SLC35F4: variants seen among roughly 807,000 people sequenced by gnomAD.
SLC35F4 encodes chromosome 14 open reading frame 36.
SLC35F4 carries 24 observed loss-of-function variants against 44.2 expected under a neutral mutation model. The observed-to-expected ratio is 0.54, with a 90% confidence interval of 0.39 to 0.76. The LOEUF is 0.76. Ranked by LOEUF, SLC35F4 falls within the 30% of genes least tolerant of loss-of-function variation. SLC35F4 has a pLI of 0.00. For missense variants in SLC35F4, 562 were observed against 586.1 expected (o/e 0.96, Z 0.42); for synonymous variants, 238 against 223.6 (o/e 1.06, Z -0.57).
At chr14:57,929,381 A>ATT in intron 1 of SLC35F4, among the ~76,000 whole-genome samples, 1 of 152,020 alleles carries the variant, frequency 6.6e-6, no homozygotes, top group East Asian at 1.9e-4. Context: ...GTTTGGGAAA[A>ATT]CCCAAACATT....
At chr14:57,651,337 A>G (rs1339007958) in intron 1 of SLC35F4, among the ~76,000 whole-genome samples, 1 of 152,164 alleles carries the variant, frequency 6.6e-6, no homozygotes, top group Non-Finnish European at 1.5e-5. Flanking sequence ...AGGTATTCTG[A>G]CTACCAAGAA....
intron 1 of SLC35F4, among the ~76,000 whole-genome samples, chr14:57,682,654 C>T (rs935781217): frequency 1.3e-5 from 2 of 149,848 alleles, no homozygotes; most frequent in South Asian, 2.1e-4. Context: ...AAAAAAGATG[C>T]CATTTGCGGT....
rs570714683 is a variant in SLC35F4, at chr14:57,676,960, A to C, written c.104-82836T>G. Among the ~76,000 whole-genome samples the C allele has an allele frequency of 9.5e-4, 144 of 152,260 alleles. 1 individual carries two copies. The highest frequency in any genetic ancestry group is 3.2e-3 in the African/African-American group (133 of 41,492). ...CATTATATGAAAAAGACACTTGCAC[A>C]CACATGTTTATAGCAGTACAACTCG... On this transcript the variant is annotated intron_variant, in intron 1 of 7. Coordinates refer to ENST00000556826, the MANE Select transcript of SLC35F4 (RefSeq NM_001306087.2).
intron 1 of SLC35F4, among the ~76,000 whole-genome samples, chr14:57,775,750 T>C (rs1354964503): frequency 3.3e-5 from 5 of 152,242 alleles, no homozygotes; most frequent in Non-Finnish European, 7.3e-5. Flanking sequence ...GTGTCTTCTT[T>C]TCTCCAAATG....
chr14:57,690,606 G>A lies in SLC35F4; in HGVS notation c.104-96482C>T, dbSNP rs148312741. Among the ~76,000 whole-genome samples, 101 of 151,990 alleles carry A rather than the reference G, an allele frequency of 6.6e-4. 3 individuals carry two copies. In the East Asian group the frequency reaches 0.019, roughly 28 times the overall value. On this transcript the variant is annotated intron_variant, in intron 1 of 7. Coordinates refer to ENST00000556826, the MANE Select transcript of SLC35F4 (RefSeq NM_001306087.2). ...TTACATTTATTGTGTACTTTATTTC[G>A]CTTATTACACTGTAATATACAAAAA...
intron 1 of SLC35F4, among the ~76,000 whole-genome samples, chr14:57,656,378 C>T (rs62003998): frequency 0.015 from 333 of 22,196 alleles, 2 homozygotes; most frequent in South Asian, 0.036. Context: ...TATATATATA[C>T]ACACACACAC....
At chr14:57,584,801 T>TCTTGAGATA (rs1184987520) in intron 3 of SLC35F4, among the ~76,000 whole-genome samples, 1 of 151,982 alleles carries the variant, frequency 6.6e-6, no homozygotes, top group Non-Finnish European at 1.5e-5. Flanking sequence ...TTTGAGGTAT[T>TCTTGAGATA]CTTGAGATAC....
In SLC35F4 at chr14:57,803,653, G is replaced by A. The variant is rs138511898; in HGVS notation, c.103+62070C>T. Among the ~76,000 whole-genome samples, 652 of 133,916 alleles carry A rather than the reference G, an allele frequency of 4.9e-3. 5 individuals are homozygous for A. The highest frequency in any genetic ancestry group is 0.018 in the African/African-American group (617 of 34,520). The allele number at this position is 133,916 out of a possible 152,430, so 87.9% of individuals were successfully genotyped here. A position where few individuals can be genotyped will look rare whatever the true frequency, so the allele number is the denominator to read the frequency against. On this transcript the variant is annotated intron_variant, in intron 1 of 7. Coordinates refer to ENST00000556826, the MANE Select transcript of SLC35F4 (RefSeq NM_001306087.2). ...CACCCAGACTGGGGTACGAAGGCACGATCATGGCTCATTGCAACCTCTGCC... is the reference window on the plus strand; with the variant it reads ...CACCCAGACTGGGGTACGAAGGCACAATCATGGCTCATTGCAACCTCTGCC...
chr14:57,959,976 C>A (rs917009041), intron 1 of SLC35F4, among the ~76,000 whole-genome samples: 4 of 152,130 alleles, frequency 2.6e-5, no homozygotes, highest in African/African-American at 9.7e-5. Context: ...ATGGCTGGGA[C>A]AAGCAGGTTT....
intron 1 of SLC35F4, among the ~76,000 whole-genome samples, chr14:57,649,046 A>G (rs932706377): frequency 1.3e-5 from 2 of 152,128 alleles, no homozygotes; most frequent in African/African-American, 4.8e-5. Flanking sequence ...TCATCTTTCA[A>G]GTGGCACTTA....
intron 1 of SLC35F4, among the ~76,000 whole-genome samples, chr14:57,874,449 C>A (rs1369968707): frequency 6.6e-6 from 1 of 152,190 alleles, no homozygotes; most frequent in East Asian, 1.9e-4. Context: ...CCTAGGATCA[C>A]TTTCTCAAAG....
At chr14:57,841,689 A>C (rs976144159) in intron 1 of SLC35F4, among the ~76,000 whole-genome samples, 1 of 152,144 alleles carries the variant, frequency 6.6e-6, no homozygotes, top group Non-Finnish European at 1.5e-5. Flanking sequence ...CTACAGGTGA[A>C]GGTCAAATGC....
intron 1 of SLC35F4, among the ~76,000 whole-genome samples, chr14:57,919,053 T>C (rs771233749): frequency 1.3e-5 from 2 of 152,178 alleles, no homozygotes; most frequent in Non-Finnish European, 2.9e-5. Flanking sequence ...CTCTTACCAA[T>C]GGAATGTTAG....
intron 1 of SLC35F4, among the ~76,000 whole-genome samples, chr14:57,603,298 TA>T (rs906878648): frequency 6.6e-6 from 1 of 152,104 alleles, no homozygotes; most frequent in Non-Finnish European, 1.5e-5. Flanking sequence ...ACAATTTTTT[TA>T]AAAAAAATCT....
In SLC35F4 at chr14:57,566,584, A is replaced by G. The variant is rs1038671712; in HGVS notation, c.1127-20T>C. The G allele has an allele frequency of 7.0e-6, 11 of 1,574,554 alleles. No homozygotes were observed. Among genetic ancestry groups the G allele is most frequent in the Non-Finnish European group, 8.6e-7 (1 of 1,158,554 alleles). On this transcript the variant is annotated intron_variant, in intron 6 of 7. Transcript: ENST00000556826. ...TGAAGGCTGTAAAATAGAGGAGGAA[A>G]TGCAAGATGAAAGAGAAATAATACG...
chr14:57,967,500 C>T (rs1880908711), intron 1 of SLC35F4, among the ~76,000 whole-genome samples: 1 of 152,180 alleles, frequency 6.6e-6, no homozygotes. Context: ...TACAACTTAA[C>T]TTTTTTCTCC....
rs150243646 is a variant in SLC35F4 at position 57,788,429 on chromosome 14, T to C, written c.103+77294A>G. 4.4e-3 allele frequency among the ~76,000 whole-genome samples: 673 copies of C among 152,138 alleles called. 39 individuals carry two copies. In the East Asian group the frequency reaches 0.11, roughly 26 times the overall value. On this transcript the variant is annotated intron_variant, in intron 1 of 7. Transcript: ENST00000556826. ...GGAACAAATGGACTTAGCAAATATATACAGAACATTTCATCCAACAACCAC... is the reference window on the plus strand; with the variant it reads ...GGAACAAATGGACTTAGCAAATATACACAGAACATTTCATCCAACAACCAC...
At chr14:57,670,851 A>G (rs1483998610) in intron 1 of SLC35F4, among the ~76,000 whole-genome samples, 1 of 149,862 alleles carries the variant, frequency 6.7e-6, no homozygotes, top group Non-Finnish European at 1.5e-5. Context: ...AAAGACTAGG[A>G]TGCCACAGAA....
At chr14:57,906,686 C>A (rs1444538730) in intron 1 of SLC35F4, among the ~76,000 whole-genome samples, 1 of 152,208 alleles carries the variant, frequency 6.6e-6, no homozygotes, top group Non-Finnish European at 1.5e-5. Flanking sequence ...AGGTATCTTA[C>A]ATTGGATATC....
Sources: gnomAD v4.1 joint callset for allele counts (sites outside exome capture counted in the v4.1 genomes callset) on GRCh38, gnomAD v4.1.1 for gene constraint, MANE v1.5 for transcripts, NCBI Gene and HGNC (gene_info 2026-07-23, HGNC 2026-07-21) for gene names.